The following RNF130 variants were observed in gnomAD, a reference collection of about 807,000 sequenced individuals.
The protein encoded by RNF130 is ring finger protein 130.
RNF130 carries 21 observed loss-of-function variants against 44.6 expected under a neutral mutation model. The observed-to-expected ratio is 0.47, with a 90% CI of 0.33 to 0.68. The LOEUF (loss-of-function observed/expected upper bound fraction) is 0.68, where lower values mean the gene tolerates loss of function less well. RNF130 is among the 30% of genes least tolerant of loss of function. RNF130 has a pLI of 0.02. For synonymous variants in RNF130, 214 were observed against 210.4 expected, an observed-to-expected ratio of 1.02 and a Z score of -0.15; for missense variants, 479 against 560.6, an observed-to-expected ratio of 0.85 and a Z score of 1.47.
intron 6 of RNF130, among the ~76,000 whole-genome samples, chr5:179,967,335 G>C (rs907081426): frequency 1.3e-5 from 2 of 152,204 alleles, no homozygotes; most frequent in Non-Finnish European, 2.9e-5. Flanking sequence ...CAGTTTAAAA[G>C]AGTAAACTAT....
At position 179,963,178 on chromosome 5, in the gene RNF130, A is replaced by G. The variant is rs576179896; in HGVS notation, c.1244+293T>C. 2.6e-5 allele frequency among the ~76,000 whole-genome samples: 4 copies of G among 152,338 alleles called. No homozygotes were observed. The East Asian group carries it at 7.7e-4, about 29-fold the overall frequency. On this transcript the variant is annotated intron_variant, in intron 8 of 8. Coordinates refer to ENST00000521389, the MANE Select transcript of RNF130 (RefSeq NM_018434.6). ...ACAGCCTTTTACACTCTAAGACTATACTGCTCCTTTGCCACTTGCATTACA... is the reference window on the plus strand; with the variant it reads ...ACAGCCTTTTACACTCTAAGACTATGCTGCTCCTTTGCCACTTGCATTACA...
At chr5:179,941,857 C>T (rs1761972737) in intron 7 of RNF130, among the ~76,000 whole-genome samples, 2 of 152,072 alleles carry the variant, frequency 1.3e-5, no homozygotes, top group Admixed American at 1.3e-4. Context: ...TTAGAGTTTC[C>T]TTAATGAGGC....
intron 5 of RNF130, among the ~76,000 whole-genome samples, chr5:179,970,916 G>C (rs920645346): frequency 4.6e-5 from 7 of 152,208 alleles, no homozygotes; most frequent in African/African-American, 1.7e-4. Context: ...TCTGTATAGT[G>C]ATTAGTTTTT....
chr5:180,059,305 C>T (rs1764916073), intron 1 of RNF130, among the ~76,000 whole-genome samples: 1 of 152,224 alleles, frequency 6.6e-6, no homozygotes, highest in Non-Finnish European at 1.5e-5. Flanking sequence ...GACTGAGTCT[C>T]TTCTGCCATT....
chr5:179,991,328 C>T (rs922736667), intron 3 of RNF130, among the ~76,000 whole-genome samples: 3 of 152,082 alleles, frequency 2.0e-5, no homozygotes, highest in Admixed American at 1.3e-4. Flanking sequence ...TGGTGAAGTC[C>T]TTTTGCAATG....
At chr5:179,932,356 C>T (rs1398626008) in intron 7 of RNF130, among the ~76,000 whole-genome samples, 1 of 152,030 alleles carries the variant, frequency 6.6e-6, no homozygotes, top group Non-Finnish European at 1.5e-5. Flanking sequence ...CTCCCAGGTT[C>T]AAGCGATTCT....
chr5:180,031,132 AAAGT>A (rs1379206099), intron 2 of RNF130, among the ~76,000 whole-genome samples: 6 of 152,236 alleles, frequency 3.9e-5, no homozygotes, highest in Non-Finnish European at 7.3e-5. Flanking sequence ...CATATATAAC[AAAGT>A]ATGTATTAAT....
At chr5:180,046,615 G>A (rs1184031038) in intron 1 of RNF130, among the ~76,000 whole-genome samples, 1 of 152,212 alleles carries the variant, frequency 6.6e-6, no homozygotes, top group East Asian at 1.9e-4. Context: ...GCACAGCACA[G>A]TGGCAAAGAT....
At chr5:179,947,086 G>A (rs1762053465) in intron 7 of RNF130, among the ~76,000 whole-genome samples, 1 of 152,064 alleles carries the variant, frequency 6.6e-6, no homozygotes, top group South Asian at 2.1e-4. Context: ...AATTCTTCAC[G>A]GAAGTCTCCA....
At chr5:180,010,206 C>T (rs1036036829) in intron 3 of RNF130, among the ~76,000 whole-genome samples, 5 of 143,142 alleles carry the variant, frequency 3.5e-5, no homozygotes, top group East Asian at 4.1e-4. Flanking sequence ...GAGATCCAGC[C>T]GCTGCACTCC....
intron 1 of RNF130, among the ~76,000 whole-genome samples, chr5:180,053,564 T>C (rs968895527): frequency 6.6e-6 from 1 of 152,128 alleles, no homozygotes; most frequent in Non-Finnish European, 1.5e-5. Flanking sequence ...GCCCAGAAAG[T>C]TGAAGGTTGC....
chr5:179,934,704 G>A (rs1038961093), intron 7 of RNF130, among the ~76,000 whole-genome samples: 7 of 151,528 alleles, frequency 4.6e-5, no homozygotes, highest in South Asian at 2.1e-4. Flanking sequence ...CACCACATCC[G>A]GCTACTTTAT....
intron 7 of RNF130, among the ~76,000 whole-genome samples, chr5:179,923,899 G>A (rs942909313): frequency 2.0e-5 from 3 of 152,120 alleles, no homozygotes; most frequent in Admixed American, 6.5e-5. Flanking sequence ...AGAAATTCTC[G>A]AACTTGATGG....
At chr5:179,945,024 C>T (rs1357469822) in intron 7 of RNF130, among the ~76,000 whole-genome samples, 1 of 152,176 alleles carries the variant, frequency 6.6e-6, no homozygotes, top group Non-Finnish European at 1.5e-5. Context: ...GCCTATAATC[C>T]CAGCCACTTT....
chr5:179,926,039 C>T (rs1437022079), intron 7 of RNF130, among the ~76,000 whole-genome samples: 2 of 152,144 alleles, frequency 1.3e-5, no homozygotes, highest in African/African-American at 2.4e-5. Context: ...TGCTCAGTGA[C>T]GCTACCCATA....
chr5:179,955,786 C>A, intron 8 of RNF130, 117 bp from the exon 9 acceptor site: 1 of 779,382 alleles, frequency 1.3e-6, no homozygotes, highest in East Asian at 2.5e-5. Context: ...GTTCCCAACC[C>A]CTCTGGTAAG....
intron 7 of RNF130, among the ~76,000 whole-genome samples, chr5:179,930,185 G>C (rs1445943007): frequency 6.6e-6 from 1 of 152,054 alleles, no homozygotes; most frequent in Non-Finnish European, 1.5e-5. Flanking sequence ...AGCCTCCCGA[G>C]TAGCTGGGAT....
At chr5:180,042,767 C>T (rs1764455828) in intron 1 of RNF130, among the ~76,000 whole-genome samples, 1 of 152,208 alleles carries the variant, frequency 6.6e-6, no homozygotes, top group Admixed American at 6.5e-5. Context: ...GTACCCCTGC[C>T]TTCTGTGCAA....
At chr5:179,981,873 T>C (rs1355776334) in intron 3 of RNF130, among the ~76,000 whole-genome samples, 2 of 152,216 alleles carry the variant, frequency 1.3e-5, no homozygotes, top group African/African-American at 4.8e-5. Context: ...AACCACCTTA[T>C]GGAGATATAA....
Sources: allele counts gnomAD v4.1 joint callset (sites outside exome capture counted in the v4.1 genomes callset), GRCh38; gene constraint gnomAD v4.1.1; transcripts MANE v1.5; gene names NCBI Gene and HGNC (gene_info 2026-07-23, HGNC 2026-07-21).